The following NDST3 variants were observed in gnomAD, a reference collection of about 807,000 sequenced individuals.
NDST3 encodes the protein N-deacetylase and N-sulfotransferase 3, also known as bifunctional heparan sulfate N-deacetylase/N-sulfotransferase 3.
A neutral mutation model predicts 96.1 loss-of-function variants in NDST3; 58 were observed. The ratio of observed to expected loss-of-function variants is 0.60; its 90% CI spans 0.49 to 0.75. The LOEUF (loss-of-function observed/expected upper bound fraction) is 0.75, where lower values mean the gene tolerates loss of function less well. Ranked by LOEUF, NDST3 falls within the 30% of genes least tolerant of loss-of-function variation. The probability of loss-of-function intolerance (pLI) is 0.00; values close to 1 mark genes in which losing one functional copy is unlikely to be tolerated. For synonymous variants in NDST3, 333 were observed against 359.7 expected (o/e 0.93, Z 0.84); for missense variants, 788 against 1,034.2 (o/e 0.76, Z 3.27).
intron 6 of NDST3, among the ~76,000 whole-genome samples, chr4:118,155,445 C>G (rs1734657623): frequency 1.3e-5 from 2 of 152,194 alleles, no homozygotes; most frequent in South Asian, 4.1e-4. Context: ...AGGGTTGGTT[C>G]TTGCCTTGTG....
chr4:118,061,612 G>T (rs1398156780), intron 2 of NDST3, among the ~76,000 whole-genome samples: 3 of 152,046 alleles, frequency 2.0e-5, no homozygotes, highest in African/African-American at 7.2e-5. Context: ...AATAATTGTG[G>T]TTTTTGCCAC....
At chr4:118,183,173 T>C (rs1424809967) in intron 6 of NDST3, among the ~76,000 whole-genome samples, 2 of 152,182 alleles carry the variant, frequency 1.3e-5, no homozygotes, top group African/African-American at 2.4e-5. Context: ...CCAGGAGGGC[T>C]GTCCTTGGAA....
At chr4:118,063,281 AATG>A in intron 2 of NDST3, among the ~76,000 whole-genome samples, 1 of 152,190 alleles carries the variant, frequency 6.6e-6, no homozygotes, top group East Asian at 1.9e-4. Flanking sequence ...TCAACCAGAC[AATG>A]ATGAGTTCTA....
intron 3 of NDST3, among the ~76,000 whole-genome samples, chr4:118,106,378 C>T (rs573914054): frequency 9.2e-4 from 140 of 152,146 alleles, no homozygotes; most frequent in Middle Eastern, 3.4e-3. Context: ...CAGGATCTTG[C>T]TCTGTTGCCC....
chr4:118,182,139 A>G (rs1248026209), intron 6 of NDST3, among the ~76,000 whole-genome samples: 1 of 152,148 alleles, frequency 6.6e-6, no homozygotes, highest in Admixed American at 6.6e-5. Flanking sequence ...TTGTCTGGCC[A>G]TATTTTGGGG....
intron 6 of NDST3, among the ~76,000 whole-genome samples, chr4:118,167,617 AG>A (rs1735642617): frequency 6.6e-6 from 1 of 152,042 alleles, no homozygotes. Flanking sequence ...ATTTTGAGAC[AG>A]GAGAACAAAG....
intron 4 of NDST3, among the ~76,000 whole-genome samples, chr4:118,127,595 C>T (rs1256247770): frequency 6.6e-6 from 1 of 151,992 alleles, no homozygotes; most frequent in Non-Finnish European, 1.5e-5. Context: ...GTTACCATAA[C>T]TCCTTAGTAT....
At position 118,040,865 on chromosome 4, in the gene NDST3, TTTTATATATATATATATTTA is replaced by T. The variant is rs1254928170; in HGVS notation, c.-156+6275_-156+6294del. 8.4e-4 allele frequency among the ~76,000 whole-genome samples: 24 copies of T among 28,738 alleles called. No homozygotes were observed. In the Admixed American group the frequency reaches 0.01, roughly 12 times the overall value. The allele number at this position is 28,738 out of a possible 152,430, so 18.9% of individuals were successfully genotyped here. On this transcript the variant is annotated intron_variant, in intron 1 of 13. Transcript: ENST00000296499. Reference sequence around the variant, plus strand: ...CTAATTTATATATATATTTATATATTTTTATATATATATATATTTATATATATATATATTTATATATATAT... The same window carrying T: ...CTAATTTATATATATATTTATATATTTATATATATATATTTATATATATAT...
At chr4:118,117,181 A>G (rs1453661124) in intron 4 of NDST3, among the ~76,000 whole-genome samples, 1 of 152,164 alleles carries the variant, frequency 6.6e-6, no homozygotes, top group African/African-American at 2.4e-5. Context: ...ATTTTGTTGC[A>G]AGAGGATAGA....
At chr4:118,165,476 A>T (rs1181247347) in intron 6 of NDST3, among the ~76,000 whole-genome samples, 1 of 152,140 alleles carries the variant, frequency 6.6e-6, no homozygotes, top group Non-Finnish European at 1.5e-5. Context: ...ACACAATAAT[A>T]GTAGAAGATA....
chr4:118,141,178 A>G (rs1441883515), intron 5 of NDST3, among the ~76,000 whole-genome samples: 1 of 152,174 alleles, frequency 6.6e-6, no homozygotes, highest in African/African-American at 2.4e-5. Context: ...TTCAGCAGCA[A>G]TAGGGTTCTC....
chr4:118,187,476 TTC>T (rs140548780), intron 6 of NDST3, among the ~76,000 whole-genome samples: 8,272 of 152,206 alleles, frequency 0.054, 451 homozygotes, highest in African/African-American at 0.14. Context: ...TGGACCAATG[TTC>T]TGTTTTTGAT....
At chr4:118,146,071 C>T (rs1182295237) in intron 6 of NDST3, among the ~76,000 whole-genome samples, 1 of 152,198 alleles carries the variant, frequency 6.6e-6, no homozygotes, top group African/African-American at 2.4e-5. Context: ...AAATTAAGTG[C>T]TTGGACAAAG....
chr4:118,130,817 T>A (rs1434448060), intron 4 of NDST3, among the ~76,000 whole-genome samples: 2 of 152,210 alleles, frequency 1.3e-5, no homozygotes, highest in Non-Finnish European at 2.9e-5. Context: ...TCCTTCATGC[T>A]TGAAGAATAT....
chr4:118,107,076 C>T (rs562119104), intron 3 of NDST3, among the ~76,000 whole-genome samples: 17 of 151,480 alleles, frequency 1.1e-4, no homozygotes, highest in Admixed American at 7.3e-4. Flanking sequence ...GGCTACAGAG[C>T]GAGACTCCAT....
chr4:118,188,687 T>C (rs923678308), intron 6 of NDST3, among the ~76,000 whole-genome samples: 8 of 152,308 alleles, frequency 5.3e-5, no homozygotes, highest in Non-Finnish European at 8.8e-5. Flanking sequence ...AGTCAGTTTC[T>C]CATTAGATTT....
chr4:118,207,146 TACACACACAC>T lies in NDST3; in HGVS notation c.1540-17309_1540-17300del, dbSNP rs67300451. Among the ~76,000 whole-genome samples, 230 of 128,810 alleles carry T rather than the reference TACACACACAC, an allele frequency of 1.8e-3. 20 individuals carry two copies. The highest frequency in any genetic ancestry group is 0.015 in the Middle Eastern group (4 of 260). 84.5% of individuals were successfully genotyped at this position (128,810 alleles called of 152,430 possible). ...AAAATAAAAGAAAATTCTGGAAGAA[TACACACACAC>T]ACACACACACACACACACACACACA... is the stretch of plus-strand genomic sequence containing the variant. On this transcript the variant is annotated intron_variant, in intron 6 of 13. Transcript: ENST00000296499.
intron 6 of NDST3, among the ~76,000 whole-genome samples, chr4:118,211,121 A>G (rs1421018302): frequency 6.6e-6 from 1 of 152,160 alleles, no homozygotes; most frequent in African/African-American, 2.4e-5. Context: ...GGATGAGAGG[A>G]GCAGATTTAA....
intron 2 of NDST3, among the ~76,000 whole-genome samples, chr4:118,058,393 T>A (rs1399323510): frequency 7.4e-6 from 1 of 135,070 alleles, no homozygotes; most frequent in Non-Finnish European, 1.5e-5. Flanking sequence ...AACTGTGACA[T>A]GGCACAAAGT....
Sources: allele counts gnomAD v4.1 joint callset (sites outside exome capture counted in the v4.1 genomes callset), GRCh38; gene constraint gnomAD v4.1.1; transcripts MANE v1.5; gene names NCBI Gene and HGNC (gene_info 2026-07-23, HGNC 2026-07-21).